POGZ: variants seen among roughly 807,000 people sequenced by gnomAD.
The protein encoded by POGZ is pogo transposable element with ZNF domain.
In POGZ, 17 loss-of-function variants were observed where a neutral mutation model predicts 134.6. The observed-to-expected ratio is 0.13, with a 90% CI of 0.09 to 0.19. POGZ has a LOEUF of 0.19. POGZ is among the 10% of genes least tolerant of loss of function. POGZ has a pLI of 1.00. For synonymous variants in POGZ, 693 were observed against 657.1 expected (o/e 1.05, Z -0.84); for missense variants, 1,306 against 1,769.7 (o/e 0.74, Z 4.70).
At chr1:151,424,398 A>G (rs1338608630) in intron 8 of POGZ, 112 bp from the exon 9 acceptor site, 1 of 672,970 alleles carries the variant, frequency 1.5e-6, no homozygotes, top group Non-Finnish European at 2.4e-6. Flanking sequence ...ATTCTCATTC[A>G]GCTTTCACCC....
rs1465125562 is a variant in POGZ, at chr1:151,459,188, G to A, written c.-38C>T. 7 of 151,168 alleles carry A rather than the reference G, an allele frequency of 4.6e-5. No individual in the cohort carries two copies. The highest frequency in any genetic ancestry group is 1.0e-4 in the Non-Finnish European group (7 of 67,616). The allele number at this position is 151,168 out of a possible 1,614,324, so 9.4% of individuals were successfully genotyped here. On this transcript the variant is annotated 5_prime_UTR_variant, in exon 1 of 19. Coordinates refer to ENST00000271715, the MANE Select transcript of POGZ (RefSeq NM_015100.4). ...GTCGCCGCCGGTAGTCTGACCCGAG[G>A]AAGGCGCCGTCGCCTTAAAGGGACC...
In POGZ at chr1:151,429,606, G is replaced by A. The variant is rs780487533; in HGVS notation, c.565C>T (p.Pro189Ser). 1 of 1,538,250 alleles carries A rather than the reference G, an allele frequency of 6.5e-7. No individual in the cohort carries two copies. Among genetic ancestry groups the A allele is most frequent in the Non-Finnish European group, 9.0e-7 (1 of 1,113,474 alleles). Residue 189 changes from proline (P) to serine (S), a missense_variant, in exon 5 of 19, where the codon CCA becomes TCA. Transcript: ENST00000271715. ...GQTVRPITLV[P>S]APGTQFVKPT... Reference sequence around the variant, plus strand: ...ATGGATAGACATTTTTCCTTACCTGGAACTAGTGTAATTGGTCTAACCGTT... The same window carrying A: ...ATGGATAGACATTTTTCCTTACCTGAAACTAGTGTAATTGGTCTAACCGTT...
intron 12 of POGZ, 88 bp downstream of exon 12, chr1:151,411,537 T>A: frequency 1.1e-6 from 1 of 898,654 alleles, no homozygotes; most frequent in South Asian, 1.7e-5. Flanking sequence ...TCTGCCCAAA[T>A]TATTTGCCTA....
In POGZ at chr1:151,403,758, T is replaced by C. The variant is rs1002638537; in HGVS notation, c.*1044A>G. 2 of 985,586 alleles carry C rather than the reference T, an allele frequency of 2.0e-6. No individual in the cohort carries two copies. The allele number at this position is 985,586 out of a possible 1,614,324, so 61.1% of individuals were successfully genotyped here. A position where few individuals can be genotyped will look rare whatever the true frequency, so the allele number is the denominator to read the frequency against. On this transcript the variant is annotated 3_prime_UTR_variant, in exon 19 of 19. Transcript: ENST00000271715. ...ACAAGTGGTCTTGTCTTTTTAAAGT[T>C]CAACACTTCTTGAACAATTAGCTCC...
intron 1 of POGZ, among the ~76,000 whole-genome samples, chr1:151,448,332 C>G (rs1187784872): frequency 2.0e-5 from 3 of 152,068 alleles, no homozygotes. Flanking sequence ...GAAATTTTGG[C>G]TGGGTGTGGT....
chr1:151,443,279 T>C (rs1011491626), intron 1 of POGZ, among the ~76,000 whole-genome samples: 3 of 152,222 alleles, frequency 2.0e-5, no homozygotes, highest in African/African-American at 7.2e-5. Context: ...TTACTTGTCA[T>C]ACTCTAGTCC....
At chr1:151,451,597 A>AT (rs1432097907) in intron 1 of POGZ, among the ~76,000 whole-genome samples, 1 of 151,592 alleles carries the variant, frequency 6.6e-6, no homozygotes, top group Non-Finnish European at 1.5e-5. Flanking sequence ...AAGTGCTGGG[A>AT]TTACAGGTGT....
intron 4 of POGZ, among the ~76,000 whole-genome samples, 153 bp from the exon 5 acceptor site, chr1:151,429,864 T>C (rs1326013962): frequency 6.6e-6 from 1 of 152,092 alleles, no homozygotes; most frequent in African/African-American, 2.4e-5. Context: ...GAGGGAAAAA[T>C]TTAGGAAATT....
At position 151,404,117 on chromosome 1, in the gene POGZ, T is replaced by TTA; in HGVS notation, c.*684_*685insTA. 6.1e-6 allele frequency: 6 copies of TTA among 985,540 alleles called. No homozygotes were observed. The highest frequency in any genetic ancestry group is 7.2e-6 in the Non-Finnish European group (6 of 829,842). The allele number at this position is 985,540 out of a possible 1,614,324, so 61.0% of individuals were successfully genotyped here. A position where few individuals can be genotyped will look rare whatever the true frequency, so the allele number is the denominator to read the frequency against. On this transcript the variant is annotated 3_prime_UTR_variant, in exon 19 of 19. Transcript: ENST00000271715. ...GATAATTAAAGGTGGTTTCATGCAT[T>TTA]TTTAAAGCCACAATTTTATATCTAG...
intron 10 of POGZ, among the ~76,000 whole-genome samples, chr1:151,413,797 A>G (rs1381945311): frequency 2.6e-5 from 4 of 152,012 alleles, no homozygotes; most frequent in Non-Finnish European, 5.9e-5. Flanking sequence ...CTCCCATCTC[A>G]GCCTCCCAAA....
chr1:151,414,257 T>C (rs757877402), intron 10 of POGZ, among the ~76,000 whole-genome samples: 1 of 152,146 alleles, frequency 6.6e-6, no homozygotes, highest in Non-Finnish European at 1.5e-5. Flanking sequence ...ATAACGATAT[T>C]ATCTCTTTTC....
At chr1:151,418,734 G>C (rs1227760846) in intron 10 of POGZ, among the ~76,000 whole-genome samples, 1 of 151,642 alleles carries the variant, frequency 6.6e-6, no homozygotes, top group Non-Finnish European at 1.5e-5. Context: ...TTTTGAAAAA[G>C]CTACTTTTGG....
At chr1:151,416,908 A>T (rs185373407) in intron 10 of POGZ, among the ~76,000 whole-genome samples, 5 of 152,276 alleles carry the variant, frequency 3.3e-5, no homozygotes, top group African/African-American at 1.2e-4. Flanking sequence ...CTAGGATTAG[A>T]GGCATGAGTC....
intron 7 of POGZ, 183 bp from the exon 8 acceptor site, chr1:151,425,244 C>T: frequency 2.2e-6 from 1 of 454,262 alleles, no homozygotes; most frequent in Non-Finnish European, 4.2e-6. Context: ...GTCTGTTGCC[C>T]AGGCTGGAGT....
chr1:151,442,493 T>G (rs1660691463), intron 1 of POGZ: 1 of 215,484 alleles, frequency 4.6e-6, no homozygotes, highest in Non-Finnish European at 9.2e-6. Context: ...GTGGATCACC[T>G]GAGGTTGGGA....
intron 1 of POGZ, among the ~76,000 whole-genome samples, chr1:151,458,923 A>G (rs1168975026): frequency 2.1e-5 from 3 of 143,584 alleles, no homozygotes; most frequent in Non-Finnish European, 4.6e-5. Context: ...GGGCGCACGC[A>G]CACACACTCG....
At chr1:151,410,758 T>A (rs1192790638) in intron 12 of POGZ, among the ~76,000 whole-genome samples, 1 of 152,224 alleles carries the variant, frequency 6.6e-6, no homozygotes, top group Admixed American at 6.5e-5. Flanking sequence ...TCCAAGCTCA[T>A]GATCTCCCCC....
chr1:151,425,038 C>A lies in POGZ; in HGVS notation c.1102G>T (p.Asp368Tyr). 1 of 1,578,186 alleles carries A rather than the reference C, an allele frequency of 6.3e-7. No homozygotes were observed. Residue 368 changes from aspartate (D) to tyrosine (Y), a missense_variant, in exon 8 of 19, where the codon GAC becomes TAC. By Grantham distance (160) the Asp-to-Tyr change is radical (BLOSUM62 -3). Around this residue, in one of 10 missense-constraint regions of POGZ, gnomAD observed 541 missense variants for 680.5 expected, o/e 0.80. Coordinates refer to ENST00000271715, the MANE Select transcript of POGZ (RefSeq NM_015100.4). ...ATTTTCCGTCCACCATCCTGGAGGTCAAATACTGGGATGGAAGAGGTCACT... is the reference window on the plus strand; with the variant it reads ...ATTTTCCGTCCACCATCCTGGAGGTAAAATACTGGGATGGAAGAGGTCACT... ...MKVTSSIPVFDLQDGGRKICP... is the reference protein window; with the variant it reads ...MKVTSSIPVFYLQDGGRKICP...
At chr1:151,412,132 C>T (rs1347449017) in intron 11 of POGZ, among the ~76,000 whole-genome samples, 164 bp downstream of exon 11, 1 of 152,188 alleles carries the variant, frequency 6.6e-6, no homozygotes, top group Non-Finnish European at 1.5e-5. Context: ...TTTTCTCCTG[C>T]ATGGAAACCC....
Sources: gnomAD v4.1 joint callset for allele counts (sites outside exome capture counted in the v4.1 genomes callset) on GRCh38, gnomAD v4.1.1 for gene constraint, gnomAD v4.1.1 regional missense constraint, MANE v1.5 for transcripts, NCBI Gene and HGNC (gene_info 2026-07-23, HGNC 2026-07-21) for gene names.